Variants in CSMD3 observed in about 807,000 individuals in gnomAD.
CSMD3 encodes the protein CUB and sushi domain-containing protein 3.
In CSMD3, 177 loss-of-function variants were observed where a neutral mutation model predicts 435.2. That is an observed-to-expected ratio of 0.41 (90% CI 0.36 to 0.46). The LOEUF is 0.46. CSMD3 is among the 20% of genes least tolerant of loss of function. CSMD3 has a pLI of 0.34. For missense variants in CSMD3, 4,265 were observed against 4,504.6 expected (o/e 0.95, Z 1.52); for synonymous variants, 1,656 against 1,520.5 (o/e 1.09, Z -2.07).
chr8:112,690,824 C>T (rs1388721363), intron 13 of CSMD3, among the ~76,000 whole-genome samples: 1 of 151,782 alleles, frequency 6.6e-6, no homozygotes, highest in Admixed American at 6.6e-5. Context: ...GTTGATTTGC[C>T]TTAAAAGTCA....
At chr8:112,280,131 A>C (rs930438154) in intron 59 of CSMD3, among the ~76,000 whole-genome samples, 6 of 152,276 alleles carry the variant, frequency 3.9e-5, no homozygotes, top group African/African-American at 1.4e-4. Context: ...ATTTTCTGAT[A>C]ATTATTTGGT....
At chr8:112,469,624 G>A (rs1432728091) in intron 32 of CSMD3, among the ~76,000 whole-genome samples, 1 of 152,128 alleles carries the variant, frequency 6.6e-6, no homozygotes, top group Non-Finnish European at 1.5e-5. Context: ...CACATGTACA[G>A]TTCACAACAG....
chr8:112,306,316 T>A (rs1041626410), intron 50 of CSMD3, 124 bp from the exon 51 acceptor site: 1 of 725,758 alleles, frequency 1.4e-6, no homozygotes, highest in African/African-American at 1.8e-5. Context: ...TCTGAAACAA[T>A]CTCAGAATCA....
chr8:113,135,865 C>T (rs528074613), intron 4 of CSMD3, among the ~76,000 whole-genome samples: 30 of 151,708 alleles, frequency 2.0e-4, no homozygotes, highest in African/African-American at 3.9e-4. Flanking sequence ...CCTTAAAATA[C>T]GGGTAACTTC....
rs145565852 is a variant in CSMD3 at position 112,732,918 on chromosome 8, A to G, written c.1973-42868T>C. 2.8e-3 allele frequency among the ~76,000 whole-genome samples: 427 copies of G among 152,240 alleles called. 1 individual carries two copies. The highest frequency in any genetic ancestry group is 9.4e-3 in the African/African-American group (391 of 41,574). ...GGTTAATCACAACTACCAAACTTAT[A>G]TGTTACAACAGACTAAATGCAATAT... On this transcript the variant is annotated intron_variant, in intron 13 of 70. Transcript: ENST00000297405.
Position 113,091,722 on chromosome 8 carries a change from C to A in CSMD3, c.917+7034G>T, listed in dbSNP as rs1173402028. The stretch of plus-strand genomic sequence containing the variant: ...CTTTGCCAATTTTGTTTAATCTTTT[C>A]AAAAAAACAACTTTTTGTTTTACTA... On this transcript the variant is annotated intron_variant, in intron 5 of 70. Transcript: ENST00000297405. 2.6e-5 allele frequency among the ~76,000 whole-genome samples: 4 copies of A among 151,320 alleles called. No individual in the cohort carries two copies. The East Asian group carries it at 7.7e-4, about 29-fold the overall frequency.
At chr8:112,381,475 T>G (rs1385681643) in intron 37 of CSMD3, among the ~76,000 whole-genome samples, 2 of 152,222 alleles carry the variant, frequency 1.3e-5, no homozygotes, top group African/African-American at 4.8e-5. Flanking sequence ...AAACAAGCGC[T>G]AATTCTACAT....
At chr8:112,919,541 T>C (rs2082673037) in intron 10 of CSMD3, among the ~76,000 whole-genome samples, 1 of 151,896 alleles carries the variant, frequency 6.6e-6, no homozygotes, top group African/African-American at 2.4e-5. Context: ...ATTTTGTTCC[T>C]ACATTAACAT....
rs2129990298 is a variant in CSMD3, at chr8:112,237,243, G to C, written c.10574C>G (p.Thr3525Ser). The C allele has an allele frequency of 6.2e-7, 1 of 1,613,556 alleles. No homozygotes were observed. Among genetic ancestry groups the C allele is most frequent in the Non-Finnish European group, 8.5e-7 (1 of 1,179,606 alleles). ...TLTVTSFNAS[T>S]GRVNATLSNS... is the part of the protein sequence containing the mutation. ...GCTCAGTGTTGCGTTAACTCTCCCA[G>C]TGGAAGCATTGAAACTAGTAACTGT... Residue 3525 changes from threonine to serine, a missense_variant, in exon 67 of 71, where the codon ACT (threonine) becomes AGT (serine). Coordinates refer to ENST00000297405, the MANE Select transcript of CSMD3 (RefSeq NM_198123.2).
At chr8:113,228,758 A>G (rs1269760399) in intron 3 of CSMD3, among the ~76,000 whole-genome samples, 1 of 151,550 alleles carries the variant, frequency 6.6e-6, no homozygotes, top group Non-Finnish European at 1.5e-5. Context: ...AGTATTTCAT[A>G]CTTAATGATA....
At chr8:113,026,672 CCTAA>C (rs1468260334) in intron 5 of CSMD3, among the ~76,000 whole-genome samples, 1 of 152,000 alleles carries the variant, frequency 6.6e-6, no homozygotes, top group Non-Finnish European at 1.5e-5. Context: ...GGGCACATGC[CCTAA>C]CTTTCAGTCT....
At chr8:112,523,794 C>T (rs144975730) in intron 27 of CSMD3, among the ~76,000 whole-genome samples, 2 of 152,176 alleles carry the variant, frequency 1.3e-5, no homozygotes, top group East Asian at 3.9e-4. Context: ...TAGGCCCACA[C>T]TCTGCCAGCT....
chr8:113,283,252 A>G (rs527857706), intron 2 of CSMD3, among the ~76,000 whole-genome samples: 1 of 152,306 alleles, frequency 6.6e-6, no homozygotes, highest in African/African-American at 2.4e-5. Context: ...AATAAACTAC[A>G]GAGCTTTTGC....
chr8:112,260,379 T>G (rs886506529), intron 61 of CSMD3, among the ~76,000 whole-genome samples: 1 of 152,150 alleles, frequency 6.6e-6, no homozygotes. Context: ...AGTTTAAGTG[T>G]CATTGTCTAT....
rs567209785 is a variant in CSMD3 at position 112,571,027 on chromosome 8, G to A, written c.4042+2474C>T. 4.6e-5 allele frequency among the ~76,000 whole-genome samples: 7 copies of A among 152,022 alleles called. No individual in the cohort carries two copies. The South Asian group carries it at 1.5e-3, about 32-fold the overall frequency. ...TATTTTATTTTATTTATTATTTTGA[G>A]ACGGAGTTTCACTCTTGTTGCCTAG... is the stretch of plus-strand genomic sequence containing the variant. On this transcript the variant is annotated intron_variant, in intron 24 of 70. Transcript: ENST00000297405.
chr8:113,259,983 G>T (rs2093414144), intron 3 of CSMD3, among the ~76,000 whole-genome samples: 1 of 152,046 alleles, frequency 6.6e-6, no homozygotes, highest in African/African-American at 2.4e-5. Context: ...GTTCTCACCA[G>T]ATCTAATGTT....
At position 113,399,334 on chromosome 8, in the gene CSMD3, G is replaced by A. The variant is rs2094499114; in HGVS notation, c.178+37343C>T. On this transcript the variant is annotated intron_variant, in intron 1 of 70. Coordinates refer to ENST00000297405, the MANE Select transcript of CSMD3 (RefSeq NM_198123.2). ...TCAACTCCTAACTATAGATCCCAGA[G>A]AAATAAAAATATACATTCACAGAAA... Among the ~76,000 whole-genome samples, 6 of 151,336 alleles carry A rather than the reference G, an allele frequency of 4.0e-5. No homozygotes were observed. The South Asian group carries it at 1.2e-3, about 31-fold the overall frequency.
At chr8:113,290,589 C>T (rs2093679532) in intron 2 of CSMD3, among the ~76,000 whole-genome samples, 1 of 151,536 alleles carries the variant, frequency 6.6e-6, no homozygotes, top group African/African-American at 2.4e-5. Flanking sequence ...TGGTAAATAA[C>T]ATAACACCTC....
At chr8:113,140,346 G>A (rs1588142378) in intron 4 of CSMD3, among the ~76,000 whole-genome samples, 1 of 150,386 alleles carries the variant, frequency 6.6e-6, no homozygotes, top group Non-Finnish European at 1.5e-5. Flanking sequence ...ACAACTGATA[G>A]AGCAACTAGA....
Sources: allele counts gnomAD v4.1 joint callset (sites outside exome capture counted in the v4.1 genomes callset), GRCh38; gene constraint gnomAD v4.1.1; transcripts MANE v1.5; gene names NCBI Gene and HGNC (gene_info 2026-07-23, HGNC 2026-07-21).